The following CCDC73 variants were observed in gnomAD, a reference collection of about 807,000 sequenced individuals.
CCDC73 encodes coiled-coil domain-containing protein 73.
Under a neutral mutation model 116.5 loss-of-function variants are expected in CCDC73, and 95 were observed. The observed-to-expected ratio is 0.82, with a 90% CI of 0.69 to 0.97. CCDC73 has a LOEUF of 0.97. Ranked by LOEUF, CCDC73 falls within the 50% of genes least tolerant of loss-of-function variation. The pLI is 0.00. For missense variants in CCDC73, 1,066 were observed against 1,206.8 expected, an observed-to-expected ratio of 0.88 and a Z score of 1.73; for synonymous variants, 398 against 401.3, an observed-to-expected ratio of 0.99 and a Z score of 0.10.
Position 32,653,134 on chromosome 11 carries a change from C to A in CCDC73, c.928G>T (p.Glu310Ter). The change falls in exon 12 of 18, where the codon GAA becomes TAA. Residue 310 changes from glutamate (E) to a stop codon, truncating the protein, a stop_gained. Coordinates refer to ENST00000335185, the MANE Select transcript of CCDC73 (RefSeq NM_001008391.4). LOFTEE classifies it high-confidence loss of function. Reference protein sequence around the residue: ...EMEAELKVLKENNQTLERDNE... With the variant: ...EMEAELKVLK ...CAGATAGAACGAACCTGATTATTTT[C>A]TTTTAGCACCTTCAATTCTGCCTCC... The A allele has an allele frequency of 6.2e-7, 1 of 1,605,236 alleles. No individual in the cohort carries two copies. The highest frequency in any genetic ancestry group is 8.5e-7 in the Non-Finnish European group (1 of 1,173,588).
At chr11:32,776,925 TAAAAAAAA>T (rs747492382) in intron 1 of CCDC73, among the ~76,000 whole-genome samples, 33 of 127,004 alleles carry the variant, frequency 2.6e-4, no homozygotes, top group Non-Finnish European at 4.2e-4. Flanking sequence ...AGAGTATGGT[TAAAAAAAA>T]AAAATATATA....
chr11:32,721,597 T>C (rs1325388769), intron 2 of CCDC73, among the ~76,000 whole-genome samples: 1 of 136,300 alleles, frequency 7.3e-6, no homozygotes, highest in African/African-American at 3.0e-5. Flanking sequence ...TATGACTCAC[T>C]TTTTTTTTTT....
At chr11:32,709,114 G>C (rs1300016693) in intron 3 of CCDC73, among the ~76,000 whole-genome samples, 1 of 152,092 alleles carries the variant, frequency 6.6e-6, no homozygotes, top group Non-Finnish European at 1.5e-5. Flanking sequence ...AATCATAAAG[G>C]GATGCTGGAT....
At chr11:32,717,992 T>A in intron 3 of CCDC73, 84 bp downstream of exon 3, 1 of 884,512 alleles carries the variant, frequency 1.1e-6, no homozygotes, top group Non-Finnish European at 1.8e-6. Flanking sequence ...CCACCTTGTC[T>A]CTCCCTTGAC....
intron 2 of CCDC73, among the ~76,000 whole-genome samples, chr11:32,732,532 C>G (rs1850088548): frequency 6.6e-6 from 1 of 152,136 alleles, no homozygotes; most frequent in African/African-American, 2.4e-5. Context: ...CGTCGGGTTA[C>G]CCACAAAGGG....
the CCDC73 span, among the ~76,000 whole-genome samples, chr11:32,811,562 A>C: frequency 7.2e-5 from 11 of 152,222 alleles, 1 homozygote; most frequent in Admixed American, 6.5e-4. Flanking sequence ...TATTTGGTTC[A>C]TGGTTAGGCA....
intron 16 of CCDC73, among the ~76,000 whole-genome samples, chr11:32,612,782 G>A (rs1334452733): frequency 6.6e-6 from 1 of 151,664 alleles, no homozygotes; most frequent in South Asian, 2.1e-4. Flanking sequence ...CAAAAACATA[G>A]ACAGCCATGT....
At chr11:32,643,671 T>C (rs1179494751) in intron 12 of CCDC73, among the ~76,000 whole-genome samples, 1 of 152,106 alleles carries the variant, frequency 6.6e-6, no homozygotes, top group African/African-American at 2.4e-5. Context: ...AGATTAAAAA[T>C]GGTACACATG....
intron 2 of CCDC73, among the ~76,000 whole-genome samples, chr11:32,732,339 A>G (rs1315401581): frequency 1.3e-5 from 2 of 152,220 alleles, no homozygotes; most frequent in East Asian, 3.8e-4. Context: ...GTTGGAAAAC[A>G]CACTTCAGGA....
At chr11:32,685,260 C>A in intron 6 of CCDC73, among the ~76,000 whole-genome samples, 1 of 99,880 alleles carries the variant, frequency 1.0e-5, no homozygotes, top group Non-Finnish European at 1.9e-5. Context: ...GGGTACAACA[C>A]TGGACCAAAA....
rs1855442489 is a variant in CCDC73 at position 32,613,592 on chromosome 11, G to T, written c.2726C>A (p.Pro909His). The change falls in exon 16 of 18, where the codon CCT becomes CAT. Residue 909 changes from proline (P) to histidine (H), a missense_variant. Physicochemically the swap from Pro to His is moderately conservative, Grantham distance 77. Transcript: ENST00000335185. ...PVYMNFSDPG[P>H]WSKVNHIESQ... Reference sequence around the variant, plus strand: ...TTCAATGTGATTTACTTTTGACCAAGGACCGGGGTCTGAAAAATTCATGTA... The same window carrying T: ...TTCAATGTGATTTACTTTTGACCAATGACCGGGGTCTGAAAAATTCATGTA... 6.2e-7 allele frequency: 1 copy of T among 1,614,040 alleles called. No individual in the cohort carries two copies. The highest frequency in any genetic ancestry group is 8.5e-7 in the Non-Finnish European group (1 of 1,179,982).
chr11:32,623,283 G>A (rs1855539622), intron 14 of CCDC73, among the ~76,000 whole-genome samples: 1 of 152,152 alleles, frequency 6.6e-6, no homozygotes, highest in African/African-American at 2.4e-5. Context: ...GAGATTACAG[G>A]CGTGAGCCAC....
chr11:32,711,832 T>A (rs898989496), intron 3 of CCDC73, among the ~76,000 whole-genome samples: 3 of 152,140 alleles, frequency 2.0e-5, no homozygotes, highest in African/African-American at 7.2e-5. Context: ...TTTCTACCTA[T>A]TTGTACCTCA....
At chr11:32,688,892 C>G (rs1009216949) in intron 6 of CCDC73, among the ~76,000 whole-genome samples, 8 of 152,144 alleles carry the variant, frequency 5.3e-5, no homozygotes, top group African/African-American at 1.9e-4. Flanking sequence ...AAAAATAAGA[C>G]AGAAAACCCA....
chr11:32,753,181 C>T (rs537128100), intron 2 of CCDC73, among the ~76,000 whole-genome samples: 18 of 152,232 alleles, frequency 1.2e-4, no homozygotes, highest in African/African-American at 4.1e-4. Context: ...TCATATCCAG[C>T]CATCTTTTCC....
chr11:32,683,984 C>A (rs1431648827), intron 6 of CCDC73, among the ~76,000 whole-genome samples: 1 of 152,168 alleles, frequency 6.6e-6, no homozygotes, highest in African/African-American at 2.4e-5. Context: ...CTGTTTTAAA[C>A]AAACAGATCA....
chr11:32,739,931 A>G (rs924843462), intron 2 of CCDC73, among the ~76,000 whole-genome samples: 5 of 151,870 alleles, frequency 3.3e-5, no homozygotes, highest in African/African-American at 1.2e-4. Flanking sequence ...CTCAGAATAA[A>G]TTGGAATAGT....
intron 13 of CCDC73, among the ~76,000 whole-genome samples, chr11:32,638,603 C>T (rs1477668104): frequency 2.6e-5 from 4 of 152,090 alleles, no homozygotes; most frequent in Admixed American, 1.3e-4. Flanking sequence ...CTCAGCCTCC[C>T]GAGTAGCTGG....
intron 2 of CCDC73, among the ~76,000 whole-genome samples, chr11:32,731,027 A>G (rs1590618095): frequency 6.6e-6 from 1 of 151,980 alleles, no homozygotes; most frequent in Admixed American, 6.5e-5. Context: ...TTCCTAGCCA[A>G]GGGAAGCCAT....
Sources: gnomAD v4.1 joint callset for allele counts (sites outside exome capture counted in the v4.1 genomes callset) on GRCh38, gnomAD v4.1.1 for gene constraint, MANE v1.5 for transcripts, NCBI Gene and HGNC (gene_info 2026-07-23, HGNC 2026-07-21) for gene names.